Variants in PVT1 observed in about 807,000 individuals in gnomAD.
PVT1 encodes CXCR4/PVT1 fusion.
chr8:127,979,724 C>T (rs1460695224), intron 3 of PVT1, among the ~76,000 whole-genome samples: 1 of 152,306 alleles, frequency 6.6e-6, no homozygotes, highest in African/African-American at 2.4e-5. Context: ...CCCCCGACCC[C>T]ACCACCCAAA....
At chr8:127,846,972 C>A (rs1471270312) in intron 2 of PVT1, among the ~76,000 whole-genome samples, 1 of 143,210 alleles carries the variant, frequency 7.0e-6, no homozygotes, top group East Asian at 2.0e-4. Flanking sequence ...TGAGCCATTG[C>A]ACATGGCCTT....
chr8:128,088,639 G>T (rs539187488), intron 5 of PVT1, among the ~76,000 whole-genome samples: 2 of 152,318 alleles, frequency 1.3e-5, no homozygotes, highest in East Asian at 3.9e-4. Context: ...GTTATTTTAT[G>T]GCTCAGTGTC....
At chr8:127,849,428 T>C (rs1003613429) in intron 2 of PVT1, among the ~76,000 whole-genome samples, 4 of 152,118 alleles carry the variant, frequency 2.6e-5, no homozygotes, top group African/African-American at 9.7e-5. Context: ...AAACAAGGTG[T>C]TCCCAGGAGG....
intron 4 of PVT1, among the ~76,000 whole-genome samples, chr8:128,035,072 C>T (rs1002738682): frequency 6.6e-6 from 1 of 152,200 alleles, no homozygotes; most frequent in Non-Finnish European, 1.5e-5. Flanking sequence ...GCAATAAAAG[C>T]ATTTGTGGCA....
chr8:127,940,085 C>T (rs1816329391), intron 3 of PVT1: 1 of 152,082 alleles, frequency 6.6e-6, no homozygotes, highest in African/African-American at 2.4e-5. Flanking sequence ...TGTTATGGGA[C>T]CGCTTTCACA....
chr8:127,921,854 G>GTTTTTTTGTTTTTTTTTTTTTTTTTTT (rs1816063128), intron 3 of PVT1, among the ~76,000 whole-genome samples: 6 of 71,906 alleles, frequency 8.3e-5, no homozygotes, highest in African/African-American at 3.6e-4. Flanking sequence ...TTTGGTTCAT[G>GTTTTTTTGTTTTTTTTTTTTTTTTTTT]TTTTTTTTTT....
At chr8:127,980,419 C>A (rs549366269) in intron 3 of PVT1, among the ~76,000 whole-genome samples, 88 of 152,230 alleles carry the variant, frequency 5.8e-4, no homozygotes, top group Admixed American at 2.1e-3. Flanking sequence ...GAAGAGGCAA[C>A]CTGCATACTG....
chr8:127,842,780 A>G (rs923939153), intron 2 of PVT1, among the ~76,000 whole-genome samples: 12 of 152,172 alleles, frequency 7.9e-5, no homozygotes, highest in African/African-American at 2.7e-4. Flanking sequence ...ATCAATTTCA[A>G]GAGATAGCAT....
At chr8:127,998,628 T>G (rs1263474860) in intron 4 of PVT1, among the ~76,000 whole-genome samples, 1 of 143,184 alleles carries the variant, frequency 7.0e-6, no homozygotes, top group Non-Finnish European at 1.5e-5. Flanking sequence ...CCTCCCTCCC[T>G]CACTCCCTCC....
At chr8:128,084,730 C>T (rs900163661) in intron 5 of PVT1, among the ~76,000 whole-genome samples, 1 of 152,112 alleles carries the variant, frequency 6.6e-6, no homozygotes, top group Non-Finnish European at 1.5e-5. Context: ...CTCAATTGGC[C>T]CTGAAACCAC....
intron 3 of PVT1, among the ~76,000 whole-genome samples, chr8:127,896,449 A>G (rs893256363): frequency 6.6e-5 from 10 of 152,100 alleles, no homozygotes; most frequent in African/African-American, 1.4e-4. Context: ...TTGTGTCATG[A>G]AATCTTGGCC....
At chr8:128,068,149 G>T (rs1813934135) in intron 4 of PVT1, among the ~76,000 whole-genome samples, 1 of 151,662 alleles carries the variant, frequency 6.6e-6, no homozygotes, top group South Asian at 2.1e-4. Context: ...GTGGACGTGA[G>T]ATTTTTTTTT....
chr8:127,867,212 G>A (rs1563625289), intron 2 of PVT1, among the ~76,000 whole-genome samples: 2 of 152,262 alleles, frequency 1.3e-5, no homozygotes, highest in East Asian at 1.9e-4. Flanking sequence ...CTCAGCCAAG[G>A]TCAGGCTGTC....
intron 3 of PVT1, among the ~76,000 whole-genome samples, chr8:127,973,701 A>G (rs74777967): frequency 0.16 from 23,932 of 150,286 alleles, 2,512 homozygotes; most frequent in African/African-American, 0.29. Context: ...AAAGAAGGCC[A>G]AACACGGTGG....
intron 4 of PVT1, among the ~76,000 whole-genome samples, chr8:128,043,773 TACACACACACACACACACAC>T (rs112991135): frequency 7.1e-6 from 1 of 140,742 alleles, no homozygotes; most frequent in Non-Finnish European, 1.5e-5. Context: ...AACTATTTCC[TACACACACACACACACACAC>T]ACACACACAC....
chr8:128,081,191 T>C (rs748452944), intron 5 of PVT1, among the ~76,000 whole-genome samples: 9 of 152,226 alleles, frequency 5.9e-5, no homozygotes, highest in Middle Eastern at 3.2e-3. Flanking sequence ...GTGTCAGCTA[T>C]TCTGGGTCTT....
chr8:127,992,458 C>T (rs868783447), intron 4 of PVT1, among the ~76,000 whole-genome samples: 4 of 152,312 alleles, frequency 2.6e-5, no homozygotes, highest in South Asian at 2.1e-4. Flanking sequence ...AGGCTGGCCT[C>T]CAATCCCTGG....
At chr8:127,805,333 T>A (rs2129650052) in intron 2 of PVT1, among the ~76,000 whole-genome samples, 1 of 152,288 alleles carries the variant, frequency 6.6e-6, no homozygotes, top group South Asian at 2.1e-4. Flanking sequence ...ACAGCCTGTT[T>A]ATATAGATTA....
At chr8:127,833,093 C>T (rs979215969) in intron 2 of PVT1, among the ~76,000 whole-genome samples, 7 of 152,128 alleles carry the variant, frequency 4.6e-5, no homozygotes, top group African/African-American at 1.7e-4. Context: ...TTCTTGTTGT[C>T]TTGGCCACTT....
Sources: allele counts gnomAD v4.1 joint callset (sites outside exome capture counted in the v4.1 genomes callset), GRCh38; gene constraint gnomAD v4.1.1; transcripts MANE v1.5; gene names NCBI Gene and HGNC (gene_info 2026-07-23, HGNC 2026-07-21).